SPTB: variants seen among roughly 807,000 people sequenced by gnomAD.
SPTB encodes the protein spectrin beta chain, erythrocytic.
In SPTB, 45 loss-of-function variants were observed where a neutral mutation model predicts 256.2. The ratio of observed to expected loss-of-function variants is 0.18; its 90% CI spans 0.14 to 0.23. The LOEUF is 0.23. SPTB is among the 10% of genes least tolerant of loss of function. SPTB has a pLI of 1.00. For synonymous variants in SPTB, 1,231 were observed against 1,243.1 expected (o/e 0.99, Z 0.21); for missense variants, 2,715 against 3,040.4 (o/e 0.89, Z 2.52).
At position 64,749,195 on chromosome 14, in the gene SPTB, G is replaced by A. The variant is rs1245277193; in HGVS notation, c.*111C>T. 34 of 1,357,376 alleles carry A rather than the reference G, an allele frequency of 2.5e-5. No individual in the cohort carries two copies. The East Asian group carries it at 3.1e-4, about 12-fold the overall frequency. The allele number at this position is 1,357,376 out of a possible 1,614,324, so 84.1% of individuals were successfully genotyped here. A position where few individuals can be genotyped will look rare whatever the true frequency, so the allele number is the denominator to read the frequency against. On this transcript the variant is annotated 3_prime_UTR_variant, in exon 36 of 36. Transcript: ENST00000644917. The surrounding 1 kb of genome is among the most constrained non-coding windows in gnomAD (Gnocchi z 4.7). ...AGCGTGGGGCCCGGGGGCCCGGCCC[G>A]CGACTCGACTCATCTCGATTCGACC...
At chr14:64,766,158 TTGTG>T (rs1234192764) in intron 32 of SPTB, among the ~76,000 whole-genome samples, 4 of 142,216 alleles carry the variant, frequency 2.8e-5, no homozygotes, top group Admixed American at 7.0e-5. Flanking sequence ...TGTGGTGTGT[TTGTG>T]TGTATGTGTA....
chr14:64,766,202 GGTT>G (rs925382940), intron 32 of SPTB, among the ~76,000 whole-genome samples: 3 of 148,062 alleles, frequency 2.0e-5, no homozygotes, highest in African/African-American at 7.8e-5. Flanking sequence ...GTGGGTGTGT[GGTT>G]GTGCGTGAGG....
chr14:64,826,307 T>C lies in SPTB; in HGVS notation c.-51-3162A>G, dbSNP rs2083377490. ...ATTTAACCCATTCTCGGCGTCACCA[T>C]GTCTCTTTCCATACTGTTACAACGG... On this transcript the variant is annotated intron_variant, in intron 1 of 35. Transcript: ENST00000644917. The surrounding 1 kb of genome is among the most constrained non-coding windows in gnomAD (Gnocchi z 4.4). 6.6e-6 allele frequency among the ~76,000 whole-genome samples: 1 copy of C among 152,196 alleles called. No individual in the cohort carries two copies. The highest frequency in any genetic ancestry group is 2.4e-5 in the African/African-American group (1 of 41,450).
At chr14:64,791,391 C>T (rs2082668628) in intron 15 of SPTB, among the ~76,000 whole-genome samples, 1 of 151,912 alleles carries the variant, frequency 6.6e-6, no homozygotes, top group Non-Finnish European at 1.5e-5. Context: ...CGTGGTGAAA[C>T]CACATCTCTA....
rs1566765440 is a variant in SPTB, at chr14:64,793,884, G to A, written c.1796-17C>T. On this transcript the variant is annotated splice_polypyrimidine_tract_variant and intron_variant, in intron 13 of 35. Coordinates refer to ENST00000644917, the MANE Select transcript of SPTB (RefSeq NM_001355436.2). The surrounding 1 kb of genome is among the most constrained non-coding windows in gnomAD (Gnocchi z 7.0). ...GCTGGTACCCTGGAAGAAATAGGGG[G>A]AAGGAGGACAAAGTGGGGGATGGGC... 1.3e-6 allele frequency: 2 copies of A among 1,591,108 alleles called. No individual in the cohort carries two copies. The highest frequency in any genetic ancestry group is 2.7e-5 in the African/African-American group (2 of 74,450).
intron 1 of SPTB, among the ~76,000 whole-genome samples, 159 bp downstream of exon 1, chr14:64,879,633 C>A (rs1156752119): frequency 2.0e-5 from 3 of 152,190 alleles, no homozygotes; most frequent in African/African-American, 7.2e-5. Context: ...CCCCTCCCAC[C>A]CCACGCCCGA....
chr14:64,767,022 G>A (rs12883860), intron 31 of SPTB, among the ~76,000 whole-genome samples: 7,651 of 152,248 alleles, frequency 0.05, 289 homozygotes, highest in African/African-American at 0.1. Flanking sequence ...CAGGCAGAAC[G>A]GCCTGTGGGG....
chr14:64,879,291 C>A (rs1882991679), intron 1 of SPTB, among the ~76,000 whole-genome samples: 1 of 152,196 alleles, frequency 6.6e-6, no homozygotes, highest in African/African-American at 2.4e-5. Context: ...GTCCCTCCTG[C>A]CTGGGCGCTG....
rs2139588971 is a variant in SPTB at position 64,792,122 on chromosome 14, CAT to C, written c.2667-268_2667-267del. Reference sequence around the variant, plus strand: ...ACACGGGCTTCTGGCTCAAGAGAGACATATGAAGGGGAGGGAGGGCTGAAGAG... The same window carrying C: ...ACACGGGCTTCTGGCTCAAGAGAGACATGAAGGGGAGGGAGGGCTGAAGAG... On this transcript the variant is annotated intron_variant, in intron 14 of 35. Transcript: ENST00000644917. The surrounding 1 kb of genome is among the most constrained non-coding windows in gnomAD (Gnocchi z 4.2). Among the ~76,000 whole-genome samples, 1 of 152,240 alleles carries C rather than the reference CAT, an allele frequency of 6.6e-6. No homozygotes were observed. The highest frequency in any genetic ancestry group is 2.1e-4 in the South Asian group (1 of 4,826).
chr14:64,795,322 G>GC lies in SPTB; in HGVS notation c.1644+14dup, dbSNP rs1187789091. ...AGCACTGCAGGGCATGGCGGGGGCG[G>GC]CCCCCAGGGCCCACCTTGATCTCAT... On this transcript the variant is annotated intron_variant, in intron 12 of 35. Coordinates refer to ENST00000644917, the MANE Select transcript of SPTB (RefSeq NM_001355436.2). This position sits in a 1 kb window ranked among gnomAD's most constrained non-coding sequence, Gnocchi z 6.5. The GC allele has an allele frequency of 6.2e-7, 1 of 1,601,854 alleles. No individual in the cohort carries two copies. Among genetic ancestry groups the GC allele is most frequent in the Non-Finnish European group, 8.5e-7 (1 of 1,179,752 alleles).
rs229579 is a variant in SPTB, at chr14:64,806,444, T to A, written c.149-1354A>T. 0.068 allele frequency among the ~76,000 whole-genome samples: 10,365 copies of A among 152,208 alleles called. 1,198 individuals carry two copies. Among genetic ancestry groups the A allele is most frequent in the African/African-American group, 0.24 (9,795 of 41,502 alleles). On this transcript the variant is annotated intron_variant, in intron 2 of 35. Transcript: ENST00000644917. The surrounding 1 kb of genome is among the most constrained non-coding windows in gnomAD (Gnocchi z 4.1). ...CTAGCCAGGAGCGGGGTCTGCCCGG[T>A]CGGAGCAGGCTGTGTGCTCGACTGA...
chr14:64,826,546 A>T lies in SPTB; in HGVS notation c.-51-3401T>A, dbSNP rs540790067. On this transcript the variant is annotated intron_variant, in intron 1 of 35. Transcript: ENST00000644917. This position sits in a 1 kb window ranked among gnomAD's most constrained non-coding sequence, Gnocchi z 4.4. ...AGTGGCCTTCCATGAGTCACGGAGG[A>T]CCGCAAATACATGGCTAAAATTAGA... Among the ~76,000 whole-genome samples, 142 of 152,260 alleles carry T rather than the reference A, an allele frequency of 9.3e-4. No individual in the cohort carries two copies. Among genetic ancestry groups the T allele is most frequent in the Non-Finnish European group, 1.6e-3 (111 of 68,014 alleles).
intron 1 of SPTB, among the ~76,000 whole-genome samples, chr14:64,848,524 T>C (rs748752550): frequency 1.3e-5 from 2 of 152,236 alleles, no homozygotes; most frequent in Non-Finnish European, 2.9e-5. Context: ...TAGTTGGTAC[T>C]GAGGCACAAT....
intron 25 of SPTB, 59 bp from the exon 26 acceptor site, chr14:64,773,013 C>G: frequency 1.9e-6 from 3 of 1,580,678 alleles, no homozygotes; most frequent in Non-Finnish European, 2.6e-6. Flanking sequence ...CAGGTGTCAC[C>G]AGCTTAGCCA....
At chr14:64,819,983 C>T (rs1050501941) in intron 2 of SPTB, among the ~76,000 whole-genome samples, 2 of 152,176 alleles carry the variant, frequency 1.3e-5, no homozygotes, top group African/African-American at 2.4e-5. Flanking sequence ...TCCTCCACTG[C>T]GGTGGCATTA....
intron 9 of SPTB, among the ~76,000 whole-genome samples, chr14:64,799,339 A>G (rs2082837072): frequency 6.6e-6 from 1 of 152,220 alleles, no homozygotes; most frequent in Non-Finnish European, 1.5e-5. Flanking sequence ...GATGAACTTG[A>G]CAATCCATAA....
chr14:64,768,221 T>C (rs1027896985), intron 29 of SPTB: 1 of 358,754 alleles, frequency 2.8e-6, no homozygotes, highest in African/African-American at 2.1e-5. Flanking sequence ...TTTTCTGTCG[T>C]TGTAGATAGG....
At chr14:64,787,455 G>C (rs868040766) in intron 15 of SPTB, among the ~76,000 whole-genome samples, 1 of 152,208 alleles carries the variant, frequency 6.6e-6, no homozygotes, top group Non-Finnish European at 1.5e-5. Context: ...TATGCATGTA[G>C]TTGGAGTTCA....
At chr14:64,800,929 A>C in intron 7 of SPTB, 61 bp from the exon 8 acceptor site, 1 of 1,328,734 alleles carries the variant, frequency 7.5e-7, no homozygotes, top group Non-Finnish European at 1.1e-6. Context: ...TCAGGCTCAG[A>C]GGGTTTATTC....
Sources: allele counts gnomAD v4.1 joint callset (sites outside exome capture counted in the v4.1 genomes callset), GRCh38; gene constraint gnomAD v4.1.1; non-coding constraint Gnocchi (gnomAD v3.1); transcripts MANE v1.5; gene names NCBI Gene and HGNC (gene_info 2026-07-23, HGNC 2026-07-21).